EXOC4: variants seen among roughly 807,000 people sequenced by gnomAD.
The protein encoded by EXOC4 is exocyst complex component 4.
In EXOC4, 71 loss-of-function variants were observed where a neutral mutation model predicts 107.2. The ratio of observed to expected loss-of-function variants is 0.66; its 90% confidence interval spans 0.55 to 0.81. The LOEUF is 0.81. EXOC4 is among the 30% of genes least tolerant of loss of function. The pLI, the probability that EXOC4 is intolerant of heterozygous loss-of-function variation, is 0.00. For missense variants in EXOC4, 1,108 were observed against 1,189.6 expected (o/e 0.93, Z 1.01); for synonymous variants, 456 against 441.2 (o/e 1.03, Z -0.42).
At chr7:133,756,763 A>G (rs1237355702) in intron 10 of EXOC4, among the ~76,000 whole-genome samples, 3 of 152,248 alleles carry the variant, frequency 2.0e-5, no homozygotes, top group Non-Finnish European at 4.4e-5. Flanking sequence ...CTCTAATATT[A>G]TGCAACCAAG....
At chr7:133,374,508 T>G (rs774546326) in intron 6 of EXOC4, among the ~76,000 whole-genome samples, 2 of 152,224 alleles carry the variant, frequency 1.3e-5, no homozygotes, top group Admixed American at 6.5e-5. Flanking sequence ...TACATAGTAG[T>G]AGTATTGTAA....
chr7:133,567,549 A>G (rs1250757265), intron 9 of EXOC4, among the ~76,000 whole-genome samples: 2 of 152,176 alleles, frequency 1.3e-5, no homozygotes, highest in Non-Finnish European at 2.9e-5. Context: ...TGGCGTTTGC[A>G]GGCCAAACCG....
At chr7:133,976,094 T>C (rs1269560580) in intron 14 of EXOC4, among the ~76,000 whole-genome samples, 3 of 152,122 alleles carry the variant, frequency 2.0e-5, no homozygotes, top group Admixed American at 1.3e-4. Flanking sequence ...GCAGGTACAG[T>C]GTTGGAGACA....
Position 133,855,116 on chromosome 7 carries a change from TATATATATATAAATATATATATATATAA to T in EXOC4, c.1734+37595_1734+37622del, listed in dbSNP as rs1563028538. On this transcript the variant is annotated intron_variant, in intron 11 of 17. Coordinates refer to ENST00000253861, the MANE Select transcript of EXOC4 (RefSeq NM_021807.4). The stretch of plus-strand genomic sequence containing the variant: ...AAATATATATATAAATATATATAAA[TATATATATATAAATATATATATATATAA>T]ATATATATATAAATATATATATTTT... Among the ~76,000 whole-genome samples, 178 of 79,178 alleles carry T rather than the reference TATATATATATAAATATATATATATATAA, an allele frequency of 2.2e-3. 13 individuals carry two copies. The highest frequency in any genetic ancestry group is 0.012 in the African/African-American group (173 of 14,628). 51.9% of individuals were successfully genotyped at this position (79,178 alleles called of 152,430 possible).
At chr7:133,385,540 C>G (rs1017623133) in intron 7 of EXOC4, among the ~76,000 whole-genome samples, 2 of 152,220 alleles carry the variant, frequency 1.3e-5, no homozygotes, top group African/African-American at 4.8e-5. Flanking sequence ...TTTCACAGAA[C>G]TCCTTTGTTC....
intron 11 of EXOC4, among the ~76,000 whole-genome samples, chr7:133,839,929 A>G (rs1337504074): frequency 6.6e-6 from 1 of 152,188 alleles, no homozygotes; most frequent in Non-Finnish European, 1.5e-5. Context: ...TCCTGCCCTC[A>G]AGTTTATTAG....
At chr7:133,369,335 T>A (rs1422353750) in intron 6 of EXOC4, among the ~76,000 whole-genome samples, 5 of 151,950 alleles carry the variant, frequency 3.3e-5, no homozygotes, top group Non-Finnish European at 7.4e-5. Flanking sequence ...GGACAACATA[T>A]GATTGACTTT....
intron 7 of EXOC4, among the ~76,000 whole-genome samples, chr7:133,430,692 T>G (rs1187883286): frequency 6.6e-6 from 1 of 152,224 alleles, no homozygotes; most frequent in Non-Finnish European, 1.5e-5. Flanking sequence ...TGCCAAACTG[T>G]TTTCCAAATT....
chr7:133,840,683 A>T (rs534080519), intron 11 of EXOC4, among the ~76,000 whole-genome samples: 1 of 151,766 alleles, frequency 6.6e-6, no homozygotes, highest in South Asian at 2.1e-4. Flanking sequence ...GAGTTTCACC[A>T]TGTTGGACAG....
At chr7:133,904,273 G>T (rs995843255) in intron 12 of EXOC4, among the ~76,000 whole-genome samples, 4 of 152,192 alleles carry the variant, frequency 2.6e-5, no homozygotes, top group African/African-American at 9.7e-5. Context: ...CTGAAATTAT[G>T]TTTTTGGCCA....
chr7:133,971,751 A>G (rs1369053073), intron 14 of EXOC4, among the ~76,000 whole-genome samples: 1 of 152,200 alleles, frequency 6.6e-6, no homozygotes, highest in Non-Finnish European at 1.5e-5. Flanking sequence ...CAAGAAGGAC[A>G]TTAATTCACA....
At chr7:133,826,657 C>G (rs1260130649) in intron 11 of EXOC4, among the ~76,000 whole-genome samples, 1 of 152,070 alleles carries the variant, frequency 6.6e-6, no homozygotes, top group Non-Finnish European at 1.5e-5. Flanking sequence ...GAAAAAAAAT[C>G]CAACAGTGTT....
chr7:133,650,721 G>C (rs1232510163), intron 10 of EXOC4, among the ~76,000 whole-genome samples: 1 of 152,166 alleles, frequency 6.6e-6, no homozygotes, highest in East Asian at 1.9e-4. Context: ...AAATCTGGAG[G>C]AGTGGTCTCA....
chr7:133,824,938 T>C (rs1797664046), intron 11 of EXOC4, among the ~76,000 whole-genome samples: 1 of 152,150 alleles, frequency 6.6e-6, no homozygotes, highest in Non-Finnish European at 1.5e-5. Context: ...CATTCTGAAG[T>C]TCCGTGTAGA....
intron 3 of EXOC4, among the ~76,000 whole-genome samples, chr7:133,295,687 C>T (rs1170090164): frequency 6.6e-6 from 1 of 152,124 alleles, no homozygotes; most frequent in Non-Finnish European, 1.5e-5. Context: ...AAAGCTGTGT[C>T]ATTAGCAAAT....
At chr7:133,455,274 G>A (rs1042126940) in intron 7 of EXOC4, among the ~76,000 whole-genome samples, 2 of 152,076 alleles carry the variant, frequency 1.3e-5, no homozygotes, top group Non-Finnish European at 2.9e-5. Flanking sequence ...ATTACTCAGA[G>A]CAGCATGCAA....
At chr7:134,001,988 A>G (rs893961624) in intron 15 of EXOC4, among the ~76,000 whole-genome samples, 5 of 152,212 alleles carry the variant, frequency 3.3e-5, no homozygotes, top group Non-Finnish European at 7.3e-5. Context: ...TATTTTCAAC[A>G]AAGTGCTACT....
At chr7:133,540,609 G>C (rs1324411524) in intron 9 of EXOC4, among the ~76,000 whole-genome samples, 1 of 152,134 alleles carries the variant, frequency 6.6e-6, no homozygotes, top group African/African-American at 2.4e-5. Context: ...AAAGCTCTTT[G>C]CATATATATA....
chr7:133,544,991 A>G (rs1800453066), intron 9 of EXOC4, among the ~76,000 whole-genome samples: 2 of 151,894 alleles, frequency 1.3e-5, no homozygotes, highest in Non-Finnish European at 2.9e-5. Flanking sequence ...GGCCTTTAAA[A>G]GCATATGTGT....
Sources: allele counts gnomAD v4.1 joint callset (sites outside exome capture counted in the v4.1 genomes callset), GRCh38; gene constraint gnomAD v4.1.1; transcripts MANE v1.5; gene names NCBI Gene and HGNC (gene_info 2026-07-23, HGNC 2026-07-21).